WDR90: variants seen among roughly 807,000 people sequenced by gnomAD.
The protein encoded by WDR90 is WD repeat domain 90.
A neutral mutation model predicts 195.2 loss-of-function variants in WDR90; 238 were observed. That is an observed-to-expected ratio of 1.22 (90% CI 1.10 to 1.36). The LOEUF is 1.36. Ranked by LOEUF, WDR90 falls within the 40% of genes most tolerant of loss-of-function variation. WDR90 has a pLI of 0.00. For missense variants in WDR90, 2,734 were observed against 2,439.5 expected, an observed-to-expected ratio of 1.12 and a Z score of -2.54; for synonymous variants, 1,265 against 1,052.4, an observed-to-expected ratio of 1.20 and a Z score of -3.91.
Position 651,633 on chromosome 16 carries a change from C to A in WDR90, c.737-11C>A. On this transcript the variant is annotated splice_polypyrimidine_tract_variant and intron_variant, in intron 7 of 40. Transcript: ENST00000293879. The stretch of plus-strand genomic sequence containing the variant: ...GCCCCTGGGTCACTGGGGTTCTTTG[C>A]TCTGTTCTAGTCCTCCTGGGGCCGG... The A allele has an allele frequency of 6.2e-7, 1 of 1,611,460 alleles. No homozygotes were observed. Among genetic ancestry groups the A allele is most frequent in the East Asian group, 2.2e-5 (1 of 44,878 alleles).
chr16:649,456 A>G (rs12934086), intron 1 of WDR90, 30 bp downstream of exon 1: 531,947 of 1,290,348 alleles, frequency 0.41, 123,144 homozygotes, highest in East Asian at 0.97. Flanking sequence ...GGTCCCGAGG[A>G]TCCCGGGTTC....
At chr16:659,612 A>ATCAGGTGGAACACAGTGGGGTCGGGGTGG (rs1555462564) in intron 26 of WDR90, among the ~76,000 whole-genome samples, 1 of 152,134 alleles carries the variant, frequency 6.6e-6, no homozygotes, top group Admixed American at 6.5e-5. Flanking sequence ...CCTTGGCCCC[A>ATCAGGTGGAACACAGTGGGGTCGGGGTGG]GGCACCTTGT....
Position 650,154 on chromosome 16 carries a change from A to C in WDR90, c.266A>C (p.Asp89Ala). Residue 89 changes from aspartate (D) to alanine (A), a missense_variant, in exon 3 of 41, where the codon GAT becomes GCT. Physicochemically the swap from Asp to Ala is moderately radical, Grantham distance 126 (BLOSUM62 -2). Coordinates refer to ENST00000293879, the MANE Select transcript of WDR90 (RefSeq NM_145294.5). ...AGCAAGCACTTCGTCATCCACCTCG[A>C]TGTGTCCTCCAAGGTACGGAGCCCG... ...LPSKHFVIHLDVSSKDNQVIR... is the reference protein window; with the variant it reads ...LPSKHFVIHLAVSSKDNQVIR... 3.1e-6 allele frequency: 5 copies of C among 1,612,922 alleles called. No homozygotes were observed. The highest frequency in any genetic ancestry group is 1.3e-5 in the African/African-American group (1 of 75,024).
intron 4 of WDR90, 56 bp downstream of exon 4, chr16:650,418 G>T: frequency 6.3e-7 from 1 of 1,595,162 alleles, no homozygotes; most frequent in South Asian, 1.1e-5. Context: ...GGGAGTTGGT[G>T]CAGGCCCAGT....
chr16:661,006 C>CCA, intron 28 of WDR90, 45 bp from the exon 29 acceptor site: 1 of 99,336 alleles, frequency 1.0e-5, no homozygotes, highest in Non-Finnish European at 1.5e-5. Flanking sequence ...CCCCGCCCCC[C>CCA]CCCCCCCCCG....
At chr16:649,910 C>T in intron 2 of WDR90, 56 bp downstream of exon 2, 17 of 1,590,756 alleles carry the variant, frequency 1.1e-5, no homozygotes, top group Non-Finnish European at 1.5e-5. Context: ...CCCAGGAGAG[C>T]TGCCCCGCCC....
chr16:656,142 AAG>A (rs2037748975), intron 17 of WDR90, 158 bp from the exon 18 acceptor site: 2 of 788,992 alleles, frequency 2.5e-6, no homozygotes, highest in Non-Finnish European at 4.0e-6. Context: ...CGCCTAGCCT[AAG>A]AGTGGTGGCC....
intron 40 of WDR90, 112 bp from the exon 41 acceptor site, chr16:667,320 C>T (rs1567227100): frequency 2.8e-6 from 4 of 1,413,314 alleles, no homozygotes; most frequent in East Asian, 4.8e-5. Context: ...CCTTTTAGCA[C>T]CAGCTCCCCC....
At chr16:657,292 A>T in intron 20 of WDR90, 71 bp downstream of exon 20, 1 of 1,459,358 alleles carries the variant, frequency 6.9e-7, no homozygotes, top group Non-Finnish European at 9.1e-7. Flanking sequence ...GCAGGCCCAC[A>T]CCTGGACACA....
In WDR90 at chr16:658,615, G is replaced by T. The variant is rs2037815451; in HGVS notation, c.2857G>T (p.Val953Leu). The T allele has an allele frequency of 1.9e-6, 3 of 1,612,552 alleles. No individual in the cohort carries two copies. The highest frequency in any genetic ancestry group is 2.2e-5 in the East Asian group (1 of 44,898). ...LLIAAGRTIKVWDYATQASPG... is the reference protein window; with the variant it reads ...LLIAAGRTIKLWDYATQASPG... Reference sequence around the variant, plus strand: ...GATTGCCGCCGGCCGGACCATCAAGGTGTGGGACTACGCCACACAGGCCAG... The same window carrying T: ...GATTGCCGCCGGCCGGACCATCAAGTTGTGGGACTACGCCACACAGGCCAG... Residue 953 changes from valine (V) to leucine (L), a missense_variant, in exon 23 of 41, where the codon GTG becomes TTG. By Grantham distance (32) the Val-to-Leu change is conservative (BLOSUM62 1). Transcript: ENST00000293879.
At position 650,005 on chromosome 16, in the gene WDR90, G is replaced by C. The variant is rs374784563; in HGVS notation, c.117G>C (p.Lys39Asn). 31 of 1,612,648 alleles carry C rather than the reference G, an allele frequency of 1.9e-5. No individual in the cohort carries two copies. The highest frequency in any genetic ancestry group is 2.5e-5 in the Non-Finnish European group (30 of 1,179,964). ...DVAVVTDKTL[K>N]GAVYRIRGSV... is the part of the protein sequence containing the mutation. ...CGCTTCTCCAGGACAAGACCCTGAAGGGCGCCGTGTATCGCATTCGGGGCT... is the reference window on the plus strand; with the variant it reads ...CGCTTCTCCAGGACAAGACCCTGAACGGCGCCGTGTATCGCATTCGGGGCT... The change falls in exon 3 of 41, where the codon AAG (lysine) becomes AAC (asparagine). Residue 39 changes from lysine to asparagine, a missense_variant. Lys to Asn is a moderately conservative substitution (Grantham distance 94). Transcript: ENST00000293879.
rs781122873 is a variant in WDR90 at position 661,459 on chromosome 16, G to T, written c.3631G>T (p.Ala1211Ser). Reference sequence around the variant, plus strand: ...TTTCCCCCATAGCACCACCGTGCTGGCCCTGGCCTTCTCACCAGATGACAG... The same window carrying T: ...TTTCCCCCATAGCACCACCGTGCTGTCCCTGGCCTTCTCACCAGATGACAG... ...LIFPHSTTVL[A>S]LAFSPDDRLL... Residue 1211 changes from alanine to serine, a missense_variant, in exon 30 of 41, where the codon GCC becomes TCC. By Grantham distance (99) the Ala-to-Ser change is moderately conservative (BLOSUM62 1). Coordinates refer to ENST00000293879, the MANE Select transcript of WDR90 (RefSeq NM_145294.5). 3.7e-6 allele frequency: 6 copies of T among 1,611,590 alleles called. No homozygotes were observed. The South Asian group carries it at 5.5e-5, about 15-fold the overall frequency.
At chr16:659,448 G>A in intron 26 of WDR90, 72 bp downstream of exon 26, 2 of 1,545,920 alleles carry the variant, frequency 1.3e-6, no homozygotes, top group South Asian at 1.2e-5. Context: ...GTGGCAGCAG[G>A]TACTCACGCA....
At position 649,403 on chromosome 16, in the gene WDR90, C is replaced by G. The variant is rs754998657; in HGVS notation, c.-14C>G. The G allele has an allele frequency of 9.1e-6, 12 of 1,315,240 alleles. No homozygotes were observed. In the South Asian group the frequency reaches 1.3e-4, roughly 14 times the overall value. The allele number at this position is 1,315,240 out of a possible 1,614,324, so 81.5% of individuals were successfully genotyped here. ...CGCGCGGAGGCCTAGGCGGGAAGCT[C>G]GAGCGGCGGCGCCATGGCCCGAGGT... On this transcript the variant is annotated 5_prime_UTR_variant, in exon 1 of 41. Coordinates refer to ENST00000293879, the MANE Select transcript of WDR90 (RefSeq NM_145294.5).
chr16:666,055 C>G lies in WDR90; in HGVS notation c.4540C>G (p.Arg1514Gly), dbSNP rs768363738. 6.2e-7 allele frequency: 1 copy of G among 1,607,420 alleles called. No individual in the cohort carries two copies. The highest frequency in any genetic ancestry group is 8.5e-7 in the Non-Finnish European group (1 of 1,179,854). ...CTCCCTGCGCATCTTCAGCGTCTCC[C>G]GCACGGCCATGGAGCTCAAGATGCA... ...DGSLRIFSVS[R>G]TAMELKMHPH... The change falls in exon 36 of 41, where the codon CGC becomes GGC. Residue 1514 changes from arginine to glycine, a missense_variant. Arg to Gly is a moderately radical substitution (Grantham distance 125). Coordinates refer to ENST00000293879, the MANE Select transcript of WDR90 (RefSeq NM_145294.5).
Position 651,801 on chromosome 16 carries a change from GCTGATGGGCACTTGTCCCCCAGCAGT to G in WDR90, c.841-24_842del, listed in dbSNP as rs1567214327. On this transcript the variant is annotated splice_acceptor_variant and splice_polypyrimidine_tract_variant and coding_sequence_variant and intron_variant, in exon 9 of 41. Coordinates refer to ENST00000293879, the MANE Select transcript of WDR90 (RefSeq NM_145294.5). LOFTEE classifies it high-confidence loss of function. ...GGGTTGGGGTGTGATGGCCCAGGAC[GCTGATGGGCACTTGTCCCCCAGCAGT>G]CCGGCCGGGCCGCCTTGGCACCCAG... 2 of 1,611,568 alleles carry G rather than the reference GCTGATGGGCACTTGTCCCCCAGCAGT, an allele frequency of 1.2e-6. No homozygotes were observed. The highest frequency in any genetic ancestry group is 1.7e-6 in the Non-Finnish European group (2 of 1,179,600).
At chr16:653,899 A>C in intron 13 of WDR90, 96 bp downstream of exon 13, 1 of 1,471,434 alleles carries the variant, frequency 6.8e-7, no homozygotes, top group South Asian at 1.2e-5. Flanking sequence ...GCTTCATGTG[A>C]CCCTGGGTCC....
Position 661,008 on chromosome 16 carries a change from CCCCCCCCG to C in WDR90, c.3392-42_3392-35del, listed in dbSNP as rs1567220668. On this transcript the variant is annotated intron_variant, in intron 28 of 40. Transcript: ENST00000293879. ...TCCCCAGGCCCCTCCCCGCCCCCCC[CCCCCCCCG>C]GCCCGGCCTCAGGCCCCGCCCTCTC... 615 of 132,070 alleles carry C rather than the reference CCCCCCCCG, an allele frequency of 4.7e-3. 64 individuals carry two copies. Among genetic ancestry groups the C allele is most frequent in the East Asian group, 0.029 (60 of 2,074 alleles). The allele number at this position is 132,070 out of a possible 1,614,324, so 8.2% of individuals were successfully genotyped here. A position where few individuals can be genotyped will look rare whatever the true frequency, so the allele number is the denominator to read the frequency against.
rs201441580 is a variant in WDR90, at chr16:651,600, C to T, written c.737-44C>T. ...AGGCGTCACCCTCACCAGGCATCTG[C>T]ACAGCTGGCCCCTGGGTCACTGGGG... On this transcript the variant is annotated intron_variant, in intron 7 of 40. Transcript: ENST00000293879. The T allele has an allele frequency of 3.0e-4, 484 of 1,590,892 alleles. 8 individuals are homozygous for T. In the South Asian group the frequency reaches 3.2e-3, roughly 10 times the overall value.
Sources: allele counts gnomAD v4.1 joint callset (sites outside exome capture counted in the v4.1 genomes callset), GRCh38; gene constraint gnomAD v4.1.1; transcripts MANE v1.5; gene names NCBI Gene and HGNC (gene_info 2026-07-23, HGNC 2026-07-21).